CDH18: variants seen among roughly 807,000 people sequenced by gnomAD.
CDH18 encodes the protein cadherin-18.
In CDH18, 31 loss-of-function variants were observed where a neutral mutation model predicts 67.9. The observed-to-expected ratio is 0.46, with a 90% CI of 0.34 to 0.62. CDH18 has a LOEUF of 0.62. Ranked by LOEUF, CDH18 falls within the 20% of genes least tolerant of loss-of-function variation. CDH18 has a pLI of 0.01. For missense variants in CDH18, 890 were observed against 975.5 expected, an observed-to-expected ratio of 0.91 and a Z score of 1.17; for synonymous variants, 362 against 347.2, an observed-to-expected ratio of 1.04 and a Z score of -0.48.
intron 1 of CDH18, among the ~76,000 whole-genome samples, chr5:20,471,926 ATC>A (rs1752116993): frequency 6.6e-6 from 1 of 152,210 alleles, no homozygotes; most frequent in African/African-American, 2.4e-5. Flanking sequence ...CCATTCTCAT[ATC>A]TCAGGCAATA....
At chr5:19,629,567 A>G (rs2150173998) in intron 5 of CDH18, among the ~76,000 whole-genome samples, 1 of 152,344 alleles carries the variant, frequency 6.6e-6, no homozygotes, top group African/African-American at 2.4e-5. Context: ...TGCAAGAGTT[A>G]TCTTTTTAAA....
At chr5:20,332,038 C>T (rs576944772) in intron 1 of CDH18, among the ~76,000 whole-genome samples, 1 of 152,156 alleles carries the variant, frequency 6.6e-6, no homozygotes, top group Non-Finnish European at 1.5e-5. Flanking sequence ...CAAGTTGTGG[C>T]CTGTTTTGAA....
In CDH18 at chr5:20,172,201, T is replaced by C. The variant is rs536881677; in HGVS notation, c.-518+83243A>G. On this transcript the variant is annotated intron_variant, in intron 2 of 14. Coordinates refer to the CDH18 transcript ENST00000507958. The stretch of plus-strand genomic sequence containing the variant: ...CAATAGCATTGTGTGTATATATATA[T>C]ATATATATATATATATATATATGTA... Among the ~76,000 whole-genome samples the C allele has an allele frequency of 5.5e-5, 3 of 54,986 alleles. No individual in the cohort carries two copies. The South Asian group carries it at 1.9e-3, about 34-fold the overall frequency. 36.1% of individuals were successfully genotyped at this position (54,986 alleles called of 152,430 possible).
At chr5:20,398,390 T>C (rs575410745) in intron 1 of CDH18, among the ~76,000 whole-genome samples, 1 of 152,322 alleles carries the variant, frequency 6.6e-6, no homozygotes, top group East Asian at 1.9e-4. Flanking sequence ...GATATATTTT[T>C]CAGTGATTCA....
At chr5:19,991,837 A>G (rs1331518011), upstream of CDH18, 1 of 40,896 alleles carries the variant, frequency 2.4e-5, no homozygotes, top group Non-Finnish European at 5.0e-5. Context: ...CCCCATCTCT[A>G]CTAACAATAA....
chr5:19,668,383 T>TG (rs11397359), intron 5 of CDH18, among the ~76,000 whole-genome samples: 139,210 of 151,976 alleles, frequency 0.92, 64,167 homozygotes, highest in Non-Finnish European at 0.96. Context: ...TTATTAGCAT[T>TG]AAAAAACAAA....
chr5:20,070,857 C>A (rs866070631), intron 2 of CDH18, among the ~76,000 whole-genome samples: 1 of 152,120 alleles, frequency 6.6e-6, no homozygotes, highest in African/African-American at 2.4e-5. Flanking sequence ...TATGACTCAA[C>A]AGAAAGTGAT....
chr5:20,364,644 T>G (rs374058939), intron 1 of CDH18, among the ~76,000 whole-genome samples: 7 of 152,224 alleles, frequency 4.6e-5, no homozygotes, highest in East Asian at 3.9e-4. Context: ...ATCTGTACCA[T>G]ATCCATAACA....
chr5:20,520,856 G>T (rs532056412), intron 1 of CDH18, among the ~76,000 whole-genome samples: 1 of 152,260 alleles, frequency 6.6e-6, no homozygotes, highest in East Asian at 1.9e-4. Context: ...ACAAATATAA[G>T]AATCATCAAC....
At chr5:19,663,889 T>C (rs1329301039) in intron 5 of CDH18, among the ~76,000 whole-genome samples, 14 of 151,512 alleles carry the variant, frequency 9.2e-5, no homozygotes, top group Non-Finnish European at 1.9e-4. Flanking sequence ...TTTTTTTTAA[T>C]TTAGATATTC....
At chr5:20,549,255 G>T (rs1006089149) in intron 1 of CDH18, among the ~76,000 whole-genome samples, 1 of 152,068 alleles carries the variant, frequency 6.6e-6, no homozygotes, top group Non-Finnish European at 1.5e-5. Context: ...TTTTATAAAT[G>T]TTTGTGCTTG....
chr5:20,370,279 T>C (rs1742874018), intron 1 of CDH18, among the ~76,000 whole-genome samples: 1 of 146,396 alleles, frequency 6.8e-6, no homozygotes, highest in African/African-American at 2.7e-5. Context: ...ACCATCATCA[T>C]ATATAACAAG....
intron 2 of CDH18, among the ~76,000 whole-genome samples, chr5:19,871,636 T>C (rs1786306351): frequency 6.6e-6 from 1 of 152,178 alleles, no homozygotes. Context: ...GAGATAAGGA[T>C]AAGTCGGCTT....
At chr5:20,443,591 C>G (rs6877123) in intron 1 of CDH18, among the ~76,000 whole-genome samples, 1 of 151,568 alleles carries the variant, frequency 6.6e-6, no homozygotes, top group Non-Finnish European at 1.5e-5. Flanking sequence ...GTCAATATTT[C>G]TGTGGGCACA....
chr5:20,555,235 G>A (rs887960668), intron 1 of CDH18, among the ~76,000 whole-genome samples: 4 of 151,796 alleles, frequency 2.6e-5, no homozygotes, highest in African/African-American at 7.3e-5. Context: ...GCCATCTACC[G>A]GCCAGGAAGA....
chr5:19,918,701 TGGAAAG>T (rs1792098358), intron 2 of CDH18, among the ~76,000 whole-genome samples: 2 of 152,092 alleles, frequency 1.3e-5, no homozygotes, highest in South Asian at 4.1e-4. Context: ...TTTGAAAAAA[TGGAAAG>T]AGATCTCAAA....
At chr5:20,261,675 G>A (rs1340764685) in intron 1 of CDH18, among the ~76,000 whole-genome samples, 1 of 152,050 alleles carries the variant, frequency 6.6e-6, no homozygotes, top group Non-Finnish European at 1.5e-5. Flanking sequence ...AGTTTGCAGT[G>A]AGCTGAGATG....
chr5:19,877,876 A>T, intron 2 of CDH18: 1 of 152,150 alleles, frequency 6.6e-6, no homozygotes. Context: ...TATTCACAAA[A>T]TCATTTCGCA....
chr5:20,481,533 A>G (rs1310327194), intron 1 of CDH18, among the ~76,000 whole-genome samples: 2 of 152,140 alleles, frequency 1.3e-5, no homozygotes, highest in Non-Finnish European at 2.9e-5. Flanking sequence ...CTCAGCACAC[A>G]GGTTATTCTC....
Sources: allele counts gnomAD v4.1 joint callset (sites outside exome capture counted in the v4.1 genomes callset), GRCh38; gene constraint gnomAD v4.1.1; transcripts MANE v1.5; gene names NCBI Gene and HGNC (gene_info 2026-07-23, HGNC 2026-07-21).